The following SMC3 variants were observed in gnomAD, a reference collection of about 807,000 sequenced individuals.
The protein encoded by SMC3 is structural maintenance of chromosomes 3, also known as structural maintenance of chromosomes protein 3.
Under a neutral mutation model 171.8 loss-of-function variants are expected in SMC3, and 20 were observed. The ratio of observed to expected loss-of-function variants is 0.12; its 90% CI spans 0.08 to 0.17. The LOEUF is 0.17. Ranked by LOEUF, SMC3 falls within the 10% of genes least tolerant of loss-of-function variation. The pLI, the probability that SMC3 is intolerant of heterozygous loss-of-function variation, is 1.00. For synonymous variants in SMC3, 464 were observed against 451.1 expected (o/e 1.03, Z -0.36); for missense variants, 543 against 1,420.4 (o/e 0.38, Z 9.93).
intron 2 of SMC3, among the ~76,000 whole-genome samples, chr10:110,569,959 TAC>T: frequency 6.6e-6 from 1 of 152,378 alleles, no homozygotes; most frequent in East Asian, 1.9e-4. Flanking sequence ...AGTTTTGCTG[TAC>T]AGAGTCCAAA....
chr10:110,569,117 ATTAAG>A, intron 2 of SMC3, 104 bp downstream of exon 2: 3 of 766,832 alleles, frequency 3.9e-6, no homozygotes, highest in Non-Finnish European at 4.6e-6. Flanking sequence ...GTCTTTGAAT[ATTAAG>A]TTATATTTTT....
chr10:110,599,473 C>A (rs540062208), intron 20 of SMC3, among the ~76,000 whole-genome samples, 181 bp from the exon 21 acceptor site: 1 of 151,774 alleles, frequency 6.6e-6, no homozygotes, highest in South Asian at 2.1e-4. Flanking sequence ...CCTGCCCCAC[C>A]TATACTATTA....
At chr10:110,573,534 T>C (rs1202306065) in intron 2 of SMC3, among the ~76,000 whole-genome samples, 173 bp from the exon 3 acceptor site, 1 of 147,254 alleles carries the variant, frequency 6.8e-6, no homozygotes, top group Non-Finnish European at 1.5e-5. Context: ...AAATTGAATT[T>C]ATTTGGTGAT....
At chr10:110,581,046 AT>A (rs916774018) in intron 8 of SMC3, 25 bp downstream of exon 8, 5 of 1,312,504 alleles carry the variant, frequency 3.8e-6, no homozygotes, top group Non-Finnish European at 5.5e-6. Flanking sequence ...ATTCTGCCTT[AT>A]TTTTTTGTTG....
chr10:110,577,592 T>G, intron 5 of SMC3, 100 bp downstream of exon 5: 2 of 845,158 alleles, frequency 2.4e-6, no homozygotes, highest in South Asian at 3.0e-5. Context: ...TTTGTTATAA[T>G]TACAGTTTAT....
chr10:110,587,223 T>G (rs563843835), intron 13 of SMC3, among the ~76,000 whole-genome samples: 11 of 152,348 alleles, frequency 7.2e-5, no homozygotes, highest in African/African-American at 2.4e-4. Context: ...TGTTTTCTCT[T>G]TTCCAGGTTG....
rs1164425038 is a variant in SMC3, at chr10:110,605,543, G to T, written c.*1241G>T. ...CCTAAAGAGATACTTTTAAAATAAA[G>T]AAATAGTAATGGGACTTTAAATTGA... On this transcript the variant is annotated 3_prime_UTR_variant, in exon 29 of 29. Transcript: ENST00000361804. Among the ~76,000 whole-genome samples the T allele has an allele frequency of 6.6e-6, 1 of 152,146 alleles. No individual in the cohort carries two copies. The highest frequency in any genetic ancestry group is 2.4e-5 in the African/African-American group (1 of 41,446).
rs1239695597 is a variant in SMC3 at position 110,605,493 on chromosome 10, C to T, written c.*1191C>T. On this transcript the variant is annotated 3_prime_UTR_variant, in exon 29 of 29. Coordinates refer to ENST00000361804, the MANE Select transcript of SMC3 (RefSeq NM_005445.4). ...GCAGGAGAATTTGTTAGGAGCTACT[C>T]TTCCATCATTGGAAACCAGAAATAC... is the stretch of plus-strand genomic sequence containing the variant. Among the ~76,000 whole-genome samples, 1 of 152,112 alleles carries T rather than the reference C, an allele frequency of 6.6e-6. No homozygotes were observed. Among genetic ancestry groups the T allele is most frequent in the Admixed American group, 6.5e-5 (1 of 15,268 alleles).
chr10:110,589,240 C>A (rs1263039360), intron 13 of SMC3, among the ~76,000 whole-genome samples: 5 of 151,290 alleles, frequency 3.3e-5, no homozygotes, highest in Admixed American at 6.6e-5. Context: ...ATACAAAAAA[C>A]AAAAAAAACA....
rs948987061 is a variant in SMC3, at chr10:110,604,793, G to A, written c.*491G>A. On this transcript the variant is annotated 3_prime_UTR_variant, in exon 29 of 29. Transcript: ENST00000361804. ...GTATTGAGGGTTAGGACTTCAACAT[G>A]TGAGTTTGGGAAGGGAAGCACAAAA... 6.6e-6 allele frequency among the ~76,000 whole-genome samples: 1 copy of A among 152,144 alleles called. No individual in the cohort carries two copies. Among genetic ancestry groups the A allele is most frequent in the Admixed American group, 6.5e-5 (1 of 15,284 alleles).
intron 9 of SMC3, 75 bp downstream of exon 9, chr10:110,582,173 T>TA (rs2134725017): frequency 1.6e-6 from 2 of 1,250,108 alleles, no homozygotes; most frequent in Admixed American, 1.8e-5. Context: ...AGGCCATAAT[T>TA]ACACTTTTCA....
At chr10:110,579,046 ATTAT>A (rs1860995124) in intron 7 of SMC3, among the ~76,000 whole-genome samples, 1 of 152,214 alleles carries the variant, frequency 6.6e-6, no homozygotes, top group Non-Finnish European at 1.5e-5. Context: ...GTGTTACCTA[ATTAT>A]TTATCACAAT....
chr10:110,582,235 G>A, intron 9 of SMC3, 137 bp downstream of exon 9: 2 of 814,170 alleles, frequency 2.5e-6, no homozygotes, highest in Admixed American at 5.1e-5. Flanking sequence ...TTATTAGTCA[G>A]CAAGTTTTTT....
In SMC3 at chr10:110,601,069, C is replaced by T. The variant is rs1275686225; in HGVS notation, c.2583C>T (p.Ala861=). 1.2e-6 allele frequency: 2 copies of T among 1,613,458 alleles called. No homozygotes were observed. The highest frequency in any genetic ancestry group is 1.7e-6 in the Non-Finnish European group (2 of 1,179,664). Residue 861 remains alanine (A), a synonymous_variant, in exon 23 of 29, where the codon GCC becomes GCT. Coordinates refer to ENST00000361804, the MANE Select transcript of SMC3 (RefSeq NM_005445.4). ...CAGAAGGGGGTACTGTTCTCACAGC[C>T]ACAACATCAGAACTTGAAGCCATCA... ...RETEGGTVLT[A]TTSELEAINK... is the part of the protein sequence containing the mutation.
At position 110,601,622 on chromosome 10, in the gene SMC3, T is replaced by C. The variant is rs1239427048; in HGVS notation, c.2645-15T>C. Reference sequence around the variant, plus strand: ...TATAGGTATTATAGCCTAATTTTGTTTCCCCCCATCTTAGATTTGGACAAT... The same window carrying C: ...TATAGGTATTATAGCCTAATTTTGTCTCCCCCCATCTTAGATTTGGACAAT... On this transcript the variant is annotated splice_polypyrimidine_tract_variant and intron_variant, in intron 23 of 28. Coordinates refer to ENST00000361804, the MANE Select transcript of SMC3 (RefSeq NM_005445.4). 6.2e-7 allele frequency: 1 copy of C among 1,609,244 alleles called. No individual in the cohort carries two copies. The highest frequency in any genetic ancestry group is 8.5e-7 in the Non-Finnish European group (1 of 1,179,356).
At chr10:110,596,816 A>G (rs1564794336) in intron 19 of SMC3, among the ~76,000 whole-genome samples, 1 of 152,132 alleles carries the variant, frequency 6.6e-6, no homozygotes, top group Admixed American at 6.5e-5. Flanking sequence ...AGAAAGAGGA[A>G]ACTGAGAAGG....
chr10:110,595,248 G>A (rs1861280736), intron 18 of SMC3, among the ~76,000 whole-genome samples: 1 of 149,908 alleles, frequency 6.7e-6, no homozygotes, highest in African/African-American at 2.4e-5. Context: ...CCAAAGTGCT[G>A]GGATTACAGG....
In SMC3 at chr10:110,596,096, C is replaced by G. The variant is rs114059919; in HGVS notation, c.1964-302C>G. The stretch of plus-strand genomic sequence containing the variant: ...TACAAAAAAGGTGTGGTGGTGCACA[C>G]CTGTAGTCCTAGCCACTCAGGAGGC... On this transcript the variant is annotated intron_variant, in intron 18 of 28. Transcript: ENST00000361804. Among the ~76,000 whole-genome samples the G allele has an allele frequency of 0.011, 1,729 of 151,362 alleles. 32 individuals are homozygous for G. The highest frequency in any genetic ancestry group is 0.04 in the African/African-American group (1,652 of 41,230).
chr10:110,584,270 G>C lies in SMC3; in HGVS notation c.1179G>C (p.Lys393Asn). ...SQFTSKEERD[K>N]WIKKELKSLD... ...TTACATCAAAAGAAGAAAGGGATAA[G>C]TGGATTAAAAAGGAACTCAAGTCTT... Residue 393 changes from lysine to asparagine, a missense_variant, in exon 13 of 29, where the codon AAG becomes AAC. By Grantham distance (94) the Lys-to-Asn change is moderately conservative. Transcript: ENST00000361804. 1 of 1,614,052 alleles carries C rather than the reference G, an allele frequency of 6.2e-7. No homozygotes were observed. The highest frequency in any genetic ancestry group is 8.5e-7 in the Non-Finnish European group (1 of 1,179,906).
Sources: gnomAD v4.1 joint callset for allele counts (sites outside exome capture counted in the v4.1 genomes callset) on GRCh38, gnomAD v4.1.1 for gene constraint, MANE v1.5 for transcripts, NCBI Gene and HGNC (gene_info 2026-07-23, HGNC 2026-07-21) for gene names.